FCHO2: variants seen among roughly 807,000 people sequenced by gnomAD.
The protein encoded by FCHO2 is FCH and mu domain containing endocytic adaptor 2, also known as F-BAR domain only protein 2.
A neutral mutation model predicts 114.1 loss-of-function variants in FCHO2; 43 were observed. That is an observed-to-expected ratio of 0.38 (90% CI 0.30 to 0.49). The LOEUF is 0.49. Ranked by LOEUF, FCHO2 falls within the 20% of genes least tolerant of loss-of-function variation. FCHO2 has a pLI of 0.97. For missense variants in FCHO2, 807 were observed against 950.4 expected, an observed-to-expected ratio of 0.85 and a Z score of 1.98; for synonymous variants, 293 against 315.2, an observed-to-expected ratio of 0.93 and a Z score of 0.75.
intron 18 of FCHO2, among the ~76,000 whole-genome samples, chr5:73,066,003 T>G (rs1742300867): frequency 6.6e-6 from 1 of 152,078 alleles, no homozygotes; most frequent in African/African-American, 2.4e-5. Flanking sequence ...TTTGACTTTC[T>G]GTTTCTGAGT....
At chr5:72,997,107 T>C in intron 5 of FCHO2, 2 of 1,169,692 alleles carry the variant, frequency 1.7e-6, no homozygotes, top group Non-Finnish European at 2.6e-6. Flanking sequence ...ATCATGGTGC[T>C]GGATCCGGAT....
chr5:72,988,068 A>G (rs1753629832), intron 2 of FCHO2, among the ~76,000 whole-genome samples: 1 of 152,212 alleles, frequency 6.6e-6, no homozygotes, highest in South Asian at 2.1e-4. Context: ...TGGTGGTTGT[A>G]GAATGTTCCC....
chr5:73,051,610 G>A (rs908546800), intron 12 of FCHO2, among the ~76,000 whole-genome samples: 3 of 151,268 alleles, frequency 2.0e-5, no homozygotes, highest in Non-Finnish European at 2.9e-5. Flanking sequence ...TCTCTTGCCC[G>A]GGCAGGAGTG....
At chr5:73,079,131 A>G (rs1428267257) in intron 22 of FCHO2, among the ~76,000 whole-genome samples, 3 of 152,200 alleles carry the variant, frequency 2.0e-5, no homozygotes, top group Non-Finnish European at 4.4e-5. Flanking sequence ...ATGGAGTCCC[A>G]TTCTCTTGCT....
At chr5:73,078,356 A>G in intron 22 of FCHO2, 44 bp downstream of exon 22, 2 of 1,508,352 alleles carry the variant, frequency 1.3e-6, no homozygotes, top group Non-Finnish European at 1.8e-6. Context: ...AAAATATTAA[A>G]AAATGGAATC....
chr5:73,005,215 A>T (rs1454964933), intron 5 of FCHO2, among the ~76,000 whole-genome samples: 1 of 152,212 alleles, frequency 6.6e-6, no homozygotes, highest in Non-Finnish European at 1.5e-5. Flanking sequence ...CCTCTTACCA[A>T]ACCCAAACCT....
At chr5:72,979,956 T>C (rs1753111597) in intron 2 of FCHO2, among the ~76,000 whole-genome samples, 1 of 152,212 alleles carries the variant, frequency 6.6e-6, no homozygotes, top group Non-Finnish European at 1.5e-5. Context: ...TCAGTTCTGC[T>C]CTGATCTTAG....
chr5:73,047,050 ATT>A (rs988295847), intron 11 of FCHO2, among the ~76,000 whole-genome samples: 1 of 152,186 alleles, frequency 6.6e-6, no homozygotes, highest in African/African-American at 2.4e-5. Context: ...TTCCATTAAA[ATT>A]TTTTTGAAAT....
intron 1 of FCHO2, among the ~76,000 whole-genome samples, chr5:72,956,769 T>C (rs1041978348): frequency 1.3e-5 from 2 of 152,170 alleles, no homozygotes; most frequent in Admixed American, 1.3e-4. Context: ...CTTAAATGCA[T>C]GGAGACCTCC....
At chr5:73,056,927 ATCAGTTAAGAATACT>A (rs1219195258) in intron 16 of FCHO2, among the ~76,000 whole-genome samples, 1 of 151,716 alleles carries the variant, frequency 6.6e-6, no homozygotes, top group African/African-American at 2.4e-5. Context: ...TTCTGTGTCT[ATCAGTTAAGAATACT>A]CTCTTTGAGT....
chr5:73,010,293 A>G (rs1419213798), intron 6 of FCHO2, among the ~76,000 whole-genome samples: 1 of 152,200 alleles, frequency 6.6e-6, no homozygotes, highest in Non-Finnish European at 1.5e-5. Flanking sequence ...TAGGATAAAA[A>G]TGATTGAAAT....
At position 73,085,194 on chromosome 5, in the gene FCHO2, C is replaced by A. The variant is rs143874855; in HGVS notation, c.2245+2369C>A. Among the ~76,000 whole-genome samples, 62 of 152,068 alleles carry A rather than the reference C, an allele frequency of 4.1e-4. 2 individuals carry two copies. The East Asian group carries it at 0.011, about 27-fold the overall frequency. On this transcript the variant is annotated intron_variant, in intron 24 of 25. Coordinates refer to ENST00000430046, the MANE Select transcript of FCHO2 (RefSeq NM_138782.3). ...TGAAACCCTGTCTCTACTAAAAATA[C>A]AAAAATTAGCTGGATGTAGTGGCAC...
In FCHO2 at chr5:73,084,959, C is replaced by G. The variant is rs545398317; in HGVS notation, c.2245+2134C>G. Among the ~76,000 whole-genome samples, 9 of 152,258 alleles carry G rather than the reference C, an allele frequency of 5.9e-5. No homozygotes were observed. In the South Asian group the frequency reaches 1.7e-3, roughly 28 times the overall value. On this transcript the variant is annotated intron_variant, in intron 24 of 25. Transcript: ENST00000430046. The stretch of plus-strand genomic sequence containing the variant: ...CCAGCAATCCTGTTTGCATTAAGGG[C>G]TTATAACCAGTTTAGAAGGACAAAA...
rs373370567 is a variant in FCHO2 at position 73,052,406 on chromosome 5, G to C, written c.1072G>C (p.Glu358Gln). The change falls in exon 13 of 26, where the codon GAA (glutamate) becomes CAA (glutamine). Residue 358 changes from glutamate (E) to glutamine (Q), a missense_variant. By Grantham distance (29) the Glu-to-Gln change is conservative (BLOSUM62 2). Coordinates refer to ENST00000430046, the MANE Select transcript of FCHO2 (RefSeq NM_138782.3). ...TGAAGAACCAAAGAAGTATCGGATA[G>C]AAATTAAGCCTATGCATCCAAATAA... ...EDEEPKKYRI[E>Q]IKPMHPNNSH... 1.2e-6 allele frequency: 2 copies of C among 1,605,904 alleles called. No homozygotes were observed. The highest frequency in any genetic ancestry group is 1.7e-6 in the Non-Finnish European group (2 of 1,175,904).
chr5:73,069,889 A>G (rs778668498), intron 19 of FCHO2, among the ~76,000 whole-genome samples: 19 of 152,110 alleles, frequency 1.2e-4, no homozygotes, highest in Admixed American at 7.9e-4. Context: ...AGCCACTTAG[A>G]CAAAGCAGCT....
intron 8 of FCHO2, chr5:73,021,179 G>C (rs1263180406): frequency 2.6e-6 from 2 of 771,220 alleles, no homozygotes; most frequent in Non-Finnish European, 4.8e-6. Context: ...CCAGGCTGGT[G>C]AACCGGCTGT....
At chr5:72,998,352 T>C (rs900683552) in intron 5 of FCHO2, among the ~76,000 whole-genome samples, 2 of 151,872 alleles carry the variant, frequency 1.3e-5, no homozygotes, top group African/African-American at 4.8e-5. Context: ...CCAGGCGTGG[T>C]GGCGGGCGCC....
Position 73,017,207 on chromosome 5 carries a change from A to G in FCHO2, c.700-5A>G, listed in dbSNP as rs1392394749. On this transcript the variant is annotated splice_region_variant and splice_polypyrimidine_tract_variant and intron_variant, in intron 7 of 25. Coordinates refer to ENST00000430046, the MANE Select transcript of FCHO2 (RefSeq NM_138782.3). ...GAAAAAGTTATCTTTATTTCATTTT[A>G]ATAGGTCCATGAAGAATTTATAAAT... The G allele has an allele frequency of 6.9e-7, 1 of 1,445,308 alleles. No individual in the cohort carries two copies. Among genetic ancestry groups the G allele is most frequent in the Admixed American group, 2.4e-5 (1 of 41,488 alleles). The allele number at this position is 1,445,308 out of a possible 1,614,324, so 89.5% of individuals were successfully genotyped here. A position where few individuals can be genotyped will look rare whatever the true frequency, so the allele number is the denominator to read the frequency against.
At chr5:73,003,312 T>G (rs2112706449) in intron 5 of FCHO2, among the ~76,000 whole-genome samples, 1 of 152,266 alleles carries the variant, frequency 6.6e-6, no homozygotes, top group South Asian at 2.1e-4. Context: ...TGCACCTGGC[T>G]TATTTTTTAA....
Sources: gnomAD v4.1 joint callset for allele counts (sites outside exome capture counted in the v4.1 genomes callset) on GRCh38, gnomAD v4.1.1 for gene constraint, MANE v1.5 for transcripts, NCBI Gene and HGNC (gene_info 2026-07-23, HGNC 2026-07-21) for gene names.